The following NAALADL2 variants were observed in gnomAD, a reference collection of about 807,000 sequenced individuals.
NAALADL2 encodes inactive N-acetylated-alpha-linked acidic dipeptidase-like protein 2.
Under a neutral mutation model 87.2 loss-of-function variants are expected in NAALADL2, and 76 were observed. The ratio of observed to expected loss-of-function variants is 0.87; its 90% CI spans 0.72 to 1.05. The LOEUF is 1.05. Ranked by LOEUF, NAALADL2 falls within the 50% of genes least tolerant of loss-of-function variation. The pLI, the probability that NAALADL2 is intolerant of heterozygous loss-of-function variation, is 0.00. For missense variants in NAALADL2, 1,089 were observed against 945.8 expected (o/e 1.15, Z -1.99); for synonymous variants, 354 against 331.0 (o/e 1.07, Z -0.75).
At chr3:175,688,265 T>G (rs144032925) in intron 11 of NAALADL2, among the ~76,000 whole-genome samples, 1 of 152,272 alleles carries the variant, frequency 6.6e-6, no homozygotes. Flanking sequence ...TTCAGATTTA[T>G]TTTCTTGGTA....
intron 1 of NAALADL2, among the ~76,000 whole-genome samples, chr3:174,871,971 G>A (rs1202954168): frequency 2.0e-5 from 3 of 152,072 alleles, no homozygotes; most frequent in South Asian, 2.1e-4. Flanking sequence ...TACTCTTGAC[G>A]ATCTTTAATA....
At chr3:174,905,993 A>AT (rs1365112161) in intron 1 of NAALADL2, among the ~76,000 whole-genome samples, 3 of 151,824 alleles carry the variant, frequency 2.0e-5, no homozygotes, top group East Asian at 1.9e-4. Context: ...TTAATTCTTC[A>AT]TTTTTTTCTC....
intron 1 of NAALADL2, among the ~76,000 whole-genome samples, chr3:175,074,555 T>C (rs1299027766): frequency 6.6e-6 from 1 of 152,080 alleles, no homozygotes; most frequent in Non-Finnish European, 1.5e-5. Flanking sequence ...GAGTATTATT[T>C]ATTCAAAAAA....
intron 1 of NAALADL2, among the ~76,000 whole-genome samples, chr3:175,005,992 T>C (rs1019727282): frequency 3.9e-5 from 6 of 152,240 alleles, no homozygotes; most frequent in African/African-American, 1.4e-4. Context: ...AAATATTTAC[T>C]GTGGTTACGA....
intron 3 of NAALADL2, among the ~76,000 whole-genome samples, chr3:174,785,156 C>T (rs1245003822): frequency 6.6e-6 from 1 of 152,232 alleles, no homozygotes; most frequent in East Asian, 1.9e-4. Context: ...CAACAGTTAG[C>T]TTTTGAGCCC....
At chr3:175,356,817 G>A (rs1400352761) in intron 5 of NAALADL2, among the ~76,000 whole-genome samples, 1 of 152,026 alleles carries the variant, frequency 6.6e-6, no homozygotes, top group African/African-American at 2.4e-5. Flanking sequence ...ATGAAGACCT[G>A]TAACAGGTGT....
chr3:175,464,248 A>G (rs575494875), intron 7 of NAALADL2, among the ~76,000 whole-genome samples: 20 of 152,082 alleles, frequency 1.3e-4, no homozygotes, highest in Middle Eastern at 6.8e-3. Flanking sequence ...TCCATTGCCA[A>G]ATTTGTCAAA....
intron 1 of NAALADL2, among the ~76,000 whole-genome samples, chr3:174,997,038 G>A (rs77493954): frequency 1.0e-3 from 78 of 77,488 alleles, no homozygotes; most frequent in East Asian, 6.6e-3. Context: ...GTGTGTGTGT[G>A]TATGTGTATA....
At chr3:175,220,180 A>T (rs1045522467) in intron 2 of NAALADL2, among the ~76,000 whole-genome samples, 19 of 142,824 alleles carry the variant, frequency 1.3e-4, no homozygotes, top group African/African-American at 4.7e-4. Flanking sequence ...ATTTGATGAT[A>T]ATTTTTCTTG....
At chr3:174,479,556 G>T (rs982104908) in intron 1 of NAALADL2, among the ~76,000 whole-genome samples, 32 of 152,054 alleles carry the variant, frequency 2.1e-4, no homozygotes, top group African/African-American at 7.5e-4. Context: ...GGGCAGGCGG[G>T]TGCAGGTTGG....
chr3:174,749,769 T>C (rs1450359861), intron 3 of NAALADL2, among the ~76,000 whole-genome samples: 2 of 152,172 alleles, frequency 1.3e-5, no homozygotes, highest in African/African-American at 4.8e-5. Flanking sequence ...GCTTTAGATA[T>C]AATTGGCACT....
chr3:175,538,586 AATAG>A (rs1239192661), intron 9 of NAALADL2, among the ~76,000 whole-genome samples: 1 of 152,292 alleles, frequency 6.6e-6, no homozygotes, highest in Non-Finnish European at 1.5e-5. Flanking sequence ...TAGATATAGG[AATAG>A]ATAGATAGAG....
chr3:175,342,415 G>A (rs539367404), intron 5 of NAALADL2, among the ~76,000 whole-genome samples: 22 of 152,128 alleles, frequency 1.4e-4, no homozygotes, highest in South Asian at 8.3e-4. Flanking sequence ...CATTTTAACC[G>A]ATAGGTAGTG....
intron 1 of NAALADL2, among the ~76,000 whole-genome samples, chr3:175,080,830 T>C (rs1247286320): frequency 6.6e-6 from 1 of 152,222 alleles, no homozygotes; most frequent in Non-Finnish European, 1.5e-5. Context: ...TTTAAAACAA[T>C]TTAGATTCAT....
chr3:175,536,640 T>TA (rs111962003), intron 9 of NAALADL2, among the ~76,000 whole-genome samples: 1,633 of 149,334 alleles, frequency 0.011, 45 homozygotes, highest in Admixed American at 0.058. Context: ...ATTGCTAATT[T>TA]AAAAAAAAAA....
intron 9 of NAALADL2, among the ~76,000 whole-genome samples, chr3:175,532,633 C>G (rs1192042148): frequency 6.6e-6 from 1 of 152,218 alleles, no homozygotes; most frequent in Non-Finnish European, 1.5e-5. Flanking sequence ...TGCCAGAGCT[C>G]TACACAAGTC....
At chr3:175,731,411 C>T (rs1011682018) in intron 11 of NAALADL2, among the ~76,000 whole-genome samples, 1 of 152,108 alleles carries the variant, frequency 6.6e-6, no homozygotes, top group African/African-American at 2.4e-5. Context: ...GAAGCTGATT[C>T]TCAGTGTTTT....
chr3:174,747,621 CAAAAAA>C (rs150843588), intron 3 of NAALADL2, among the ~76,000 whole-genome samples: 6 of 38,660 alleles, frequency 1.6e-4, no homozygotes, highest in African/African-American at 2.3e-4. Context: ...GACCCCATCT[CAAAAAA>C]AAAAAAAAAA....
At chr3:174,899,215 A>C (rs1732004004) in intron 1 of NAALADL2, among the ~76,000 whole-genome samples, 1 of 152,204 alleles carries the variant, frequency 6.6e-6, no homozygotes, top group Non-Finnish European at 1.5e-5. Context: ...ACTATTAATA[A>C]AAATCTTTTA....
Sources: gnomAD v4.1 joint callset for allele counts (sites outside exome capture counted in the v4.1 genomes callset) on GRCh38, gnomAD v4.1.1 for gene constraint, MANE v1.5 for transcripts, NCBI Gene and HGNC (gene_info 2026-07-23, HGNC 2026-07-21) for gene names.